The following ENPP6 variants were observed in gnomAD, a reference collection of about 807,000 sequenced individuals.
ENPP6 encodes ectonucleotide pyrophosphatase/phosphodiesterase 6, also known as glycerophosphocholine cholinephosphodiesterase ENPP6.
ENPP6 carries 32 observed loss-of-function variants against 42.0 expected under a neutral mutation model. The observed-to-expected ratio is 0.76, with a 90% CI of 0.58 to 1.02. ENPP6 has a LOEUF of 1.02. Ranked by LOEUF, ENPP6 falls within the 50% of genes least tolerant of loss-of-function variation. The probability of loss-of-function intolerance (pLI) is 0.00; values close to 1 mark genes in which losing one functional copy is unlikely to be tolerated. For synonymous variants in ENPP6, 213 were observed against 216.0 expected, an observed-to-expected ratio of 0.99 and a Z score of 0.12; for missense variants, 552 against 566.8, an observed-to-expected ratio of 0.97 and a Z score of 0.27.
chr4:184,171,125 G>A (rs1234984614), intron 1 of ENPP6, among the ~76,000 whole-genome samples: 1 of 152,226 alleles, frequency 6.6e-6, no homozygotes, highest in Non-Finnish European at 1.5e-5. Context: ...GGAAGGGAAA[G>A]CTCCTCTCTG....
intron 2 of ENPP6, among the ~76,000 whole-genome samples, chr4:184,150,929 T>C (rs1196855141): frequency 2.6e-5 from 4 of 152,236 alleles, no homozygotes; most frequent in Non-Finnish European, 4.4e-5. Context: ...GAGGAAGATA[T>C]TGGTCCCTTC....
intron 1 of ENPP6, among the ~76,000 whole-genome samples, chr4:184,167,099 G>A (rs1737361878): frequency 6.6e-6 from 1 of 152,148 alleles, no homozygotes; most frequent in African/African-American, 2.4e-5. Flanking sequence ...GTAAAAAAAA[G>A]CACATTTAGG....
intron 1 of ENPP6, among the ~76,000 whole-genome samples, chr4:184,182,026 A>G (rs748898696): frequency 1.3e-5 from 2 of 152,200 alleles, no homozygotes; most frequent in East Asian, 1.9e-4. Context: ...TAATTTAACT[A>G]AAGAGCTTTT....
At chr4:184,213,694 G>A (rs1165701906) in intron 1 of ENPP6, among the ~76,000 whole-genome samples, 1 of 149,780 alleles carries the variant, frequency 6.7e-6, no homozygotes, top group Non-Finnish European at 1.5e-5. Flanking sequence ...ATTCCTCAGG[G>A]ATCTAGAACT....
intron 1 of ENPP6, among the ~76,000 whole-genome samples, chr4:184,206,211 G>C (rs1033071906): frequency 2.0e-5 from 3 of 150,418 alleles, no homozygotes; most frequent in African/African-American, 7.4e-5. Context: ...GGAGCTGTGC[G>C]TATGCAGAGT....
At chr4:184,145,455 C>T (rs1736901742) in intron 2 of ENPP6, among the ~76,000 whole-genome samples, 2 of 152,240 alleles carry the variant, frequency 1.3e-5, no homozygotes, top group Non-Finnish European at 2.9e-5. Flanking sequence ...GGTCACAACA[C>T]AGCTGCAAGG....
At chr4:184,108,129 C>T (rs935031194) in intron 6 of ENPP6, among the ~76,000 whole-genome samples, 3 of 152,048 alleles carry the variant, frequency 2.0e-5, no homozygotes, top group Non-Finnish European at 2.9e-5. Flanking sequence ...TCTGGGATGG[C>T]GGCTACAGGC....
chr4:184,162,085 C>G (rs576196530), intron 1 of ENPP6, among the ~76,000 whole-genome samples: 7 of 152,094 alleles, frequency 4.6e-5, no homozygotes, highest in East Asian at 1.9e-4. Flanking sequence ...CAACTGCCCC[C>G]CTCCCCGCAT....
chr4:184,186,408 C>T lies in ENPP6; in HGVS notation c.241+31171G>A, dbSNP rs145878682. ...AAGTAGATTAGCAGTTTTCTGGGGG[C>T]GGGGTGGTGGCAAATGGGAATTAAC... On this transcript the variant is annotated intron_variant, in intron 1 of 7. Coordinates refer to ENST00000296741, the MANE Select transcript of ENPP6 (RefSeq NM_153343.4). Among the ~76,000 whole-genome samples, 34 of 152,004 alleles carry T rather than the reference C, an allele frequency of 2.2e-4. 1 individual carries two copies. Among genetic ancestry groups the T allele is most frequent in the Admixed American group, 3.9e-4 (6 of 15,256 alleles).
At chr4:184,191,660 A>C (rs960003515) in intron 1 of ENPP6, among the ~76,000 whole-genome samples, 2 of 152,222 alleles carry the variant, frequency 1.3e-5, no homozygotes, top group African/African-American at 4.8e-5. Context: ...ATGCCTGTAC[A>C]TAACTCCTAA....
chr4:184,090,019 G>C lies in ENPP6; in HGVS notation c.*1158C>G, dbSNP rs147664047. 6.6e-6 allele frequency: 1 copy of C among 151,854 alleles called. No individual in the cohort carries two copies. Among genetic ancestry groups the C allele is most frequent in the Non-Finnish European group, 1.5e-5 (1 of 67,980 alleles). The allele number at this position is 151,854 out of a possible 1,614,324, so 9.4% of individuals were successfully genotyped here. A position where few individuals can be genotyped will look rare whatever the true frequency, so the allele number is the denominator to read the frequency against. On this transcript the variant is annotated 3_prime_UTR_variant, in exon 8 of 8. Coordinates refer to ENST00000296741, the MANE Select transcript of ENPP6 (RefSeq NM_153343.4). The stretch of plus-strand genomic sequence containing the variant: ...TGGCCAAACTGTTTCCTAATCAAAC[G>C]ACCAGTTAGTTGGTCAGTGACTGGG...
chr4:184,152,335 C>A (rs17486794), intron 2 of ENPP6, among the ~76,000 whole-genome samples: 1 of 152,064 alleles, frequency 6.6e-6, no homozygotes, highest in Non-Finnish European at 1.5e-5. Context: ...TGAAGGCCCA[C>A]GCAATCCTTG....
In ENPP6 at chr4:184,097,230, C is replaced by T; in HGVS notation, c.1117+15G>A. On this transcript the variant is annotated intron_variant, in intron 7 of 7. Transcript: ENST00000296741. ...GGAATGGGGTCTGAGAGCATCTGGT[C>T]ATTTCCTCGCCTACCAGGTCCGAAG... 1 of 1,614,042 alleles carries T rather than the reference C, an allele frequency of 6.2e-7. No individual in the cohort carries two copies. The highest frequency in any genetic ancestry group is 1.1e-5 in the South Asian group (1 of 91,038).
At chr4:184,208,887 C>G (rs934150721) in intron 1 of ENPP6, among the ~76,000 whole-genome samples, 3 of 143,618 alleles carry the variant, frequency 2.1e-5, no homozygotes, top group African/African-American at 7.6e-5. Flanking sequence ...AGCTGGAGAT[C>G]TGAGAACGGG....
chr4:184,163,919 C>A (rs764140878), intron 1 of ENPP6, among the ~76,000 whole-genome samples: 5 of 152,222 alleles, frequency 3.3e-5, no homozygotes, highest in Non-Finnish European at 5.9e-5. Flanking sequence ...GGAAATCGTT[C>A]TTTTCTAACC....
At chr4:184,179,307 A>C (rs1249835558) in intron 1 of ENPP6, among the ~76,000 whole-genome samples, 2 of 152,236 alleles carry the variant, frequency 1.3e-5, no homozygotes, top group Non-Finnish European at 2.9e-5. Context: ...AAAGGTCTCA[A>C]TTCAACGAGA....
chr4:184,206,119 G>A (rs993690983), intron 1 of ENPP6, among the ~76,000 whole-genome samples: 1 of 152,168 alleles, frequency 6.6e-6, no homozygotes, highest in African/African-American at 2.4e-5. Context: ...AGGCTCACAA[G>A]CTGGGGCAAT....
At chr4:184,118,015 G>C in intron 3 of ENPP6, 115 bp from the exon 4 acceptor site, 2 of 1,303,334 alleles carry the variant, frequency 1.5e-6, no homozygotes, top group Non-Finnish European at 2.1e-6. Context: ...TTGTCCCTGG[G>C]CCAGACAAAG....
At chr4:184,188,769 C>T (rs1293651987) in intron 1 of ENPP6, among the ~76,000 whole-genome samples, 2 of 152,102 alleles carry the variant, frequency 1.3e-5, no homozygotes, top group African/African-American at 2.4e-5. Flanking sequence ...AGATGTCTCA[C>T]GCTCACACAT....
Sources: allele counts gnomAD v4.1 joint callset (sites outside exome capture counted in the v4.1 genomes callset), GRCh38; gene constraint gnomAD v4.1.1; transcripts MANE v1.5; gene names NCBI Gene and HGNC (gene_info 2026-07-23, HGNC 2026-07-21).